The following HTATSF1 variants were observed in gnomAD, a reference collection of about 807,000 sequenced individuals.
HTATSF1 encodes 17S U2 SnRNP complex component HTATSF1.
HTATSF1 carries 6 observed loss-of-function variants against 46.1 expected under a neutral mutation model. The observed-to-expected ratio is 0.13, with a 90% CI of 0.07 to 0.26. HTATSF1 has a LOEUF of 0.26. HTATSF1 is among the 10% of genes least tolerant of loss of function. The pLI is 1.00. For synonymous variants in HTATSF1, 226 were observed against 211.5 expected, an observed-to-expected ratio of 1.07 and a Z score of -0.60; for missense variants, 452 against 559.9, an observed-to-expected ratio of 0.81 and a Z score of 1.94.
rs1332811674 is a variant in HTATSF1 at position 136,503,985 on chromosome X, C to T, written c.735-379C>T. On this transcript the variant is annotated intron_variant, in intron 5 of 8. Transcript: ENST00000218364. ...TCCGGGGTTCAAGCTATACTCATGC[C>T]TCAGCCTCCCCAGTAGCTGGGATTA... is the stretch of plus-strand genomic sequence containing the variant. Among the ~76,000 whole-genome samples, 3 of 111,270 alleles carry T rather than the reference C, an allele frequency of 2.7e-5. No individual in the cohort carries two copies. The East Asian group carries it at 8.4e-4, about 31-fold the overall frequency.
chrX:136,501,458 G>A (rs941895012), intron 4 of HTATSF1, among the ~76,000 whole-genome samples: 3 of 112,298 alleles, frequency 2.7e-5, no homozygotes, highest in Non-Finnish European at 3.8e-5. Flanking sequence ...AGAGAGAGTG[G>A]TATTAAGAGA....
chrX:136,510,875 A>T lies in HTATSF1; in HGVS notation c.1130A>T (p.Glu377Val), dbSNP rs1288902005. The T allele has an allele frequency of 4.1e-6, 5 of 1,208,400 alleles. No homozygotes were observed. In the African/African-American group the frequency reaches 8.8e-5, roughly 21 times the overall value. ...TGGGAGGCTTTCCTCAATGCTCCTG[A>T]GGCCAACAGAGGCCTTAGGCGTTCA... is the stretch of plus-strand genomic sequence containing the variant. Reference protein sequence around the residue: ...RGWEAFLNAPEANRGLRRSDS... With the variant: ...RGWEAFLNAPVANRGLRRSDS... The change falls in exon 9 of 9, where the codon GAG becomes GTG. Residue 377 changes from glutamate (E) to valine (V), a missense_variant. This residue lies in a region of HTATSF1 where 117 missense variants were observed against 222.2 expected (regional missense o/e 0.53). Transcript: ENST00000218364.
intron 1 of HTATSF1, among the ~76,000 whole-genome samples, chrX:136,498,954 T>C (rs1284495599): frequency 8.8e-6 from 1 of 113,136 alleles, no homozygotes; most frequent in African/African-American, 3.2e-5. Context: ...ATAACGCTTT[T>C]CCCCCAAAGG....
chrX:136,504,813 G>A (rs1002115914), intron 6 of HTATSF1, among the ~76,000 whole-genome samples: 1 of 112,115 alleles, frequency 8.9e-6, no homozygotes, highest in Non-Finnish European at 1.9e-5. Context: ...GCCTGATTTT[G>A]GTGGGGAGTA....
intron 6 of HTATSF1, among the ~76,000 whole-genome samples, chrX:136,507,815 G>T (rs1300313456): frequency 9.0e-6 from 1 of 110,999 alleles, no homozygotes; most frequent in Admixed American, 9.6e-5. Context: ...TTTCTGTGAG[G>T]TATCTGAAAC....
chrX:136,497,409 G>A (rs2075695868), upstream of HTATSF1: 1 of 114,261 alleles, frequency 8.8e-6, no homozygotes, highest in Non-Finnish European at 1.8e-5. Context: ...TGGACCTAGC[G>A]GCGGTGCCGA....
chrX:136,508,353 GGA>G (rs1290855033), intron 6 of HTATSF1, among the ~76,000 whole-genome samples: 2 of 112,079 alleles, frequency 1.8e-5, no homozygotes, highest in Admixed American at 1.9e-4. Context: ...ATTGGTACTT[GGA>G]GAGAGATTTG....
At chrX:136,503,883 T>G (rs2075730010) in intron 5 of HTATSF1, among the ~76,000 whole-genome samples, 1 of 111,227 alleles carries the variant, frequency 9.0e-6, no homozygotes, top group South Asian at 3.8e-4. Context: ...TTATTTTATT[T>G]ATTTGAGGCA....
chrX:136,505,238 C>G (rs1426243610), intron 6 of HTATSF1, among the ~76,000 whole-genome samples: 2 of 111,998 alleles, frequency 1.8e-5, no homozygotes, highest in Non-Finnish European at 3.8e-5. Context: ...ACGTAAAATT[C>G]CGTTTTTACC....
chrX:136,505,005 A>G (rs1288778934), intron 6 of HTATSF1, among the ~76,000 whole-genome samples: 1 of 112,366 alleles, frequency 8.9e-6, no homozygotes, highest in Admixed American at 9.4e-5. Context: ...AAAAAAGTGA[A>G]TAAAGGAGAA....
intron 6 of HTATSF1, 26 bp from the exon 7 acceptor site, chrX:136,509,063 ACC>A: frequency 9.5e-7 from 1 of 1,056,355 alleles, no homozygotes; most frequent in Non-Finnish European, 1.3e-6. Context: ...AAGGGAGCAA[ACC>A]CATTTTAATC....
Position 136,502,949 on chromosome X carries a change from A to G in HTATSF1, c.734+8A>G. On this transcript the variant is annotated splice_region_variant and intron_variant, in intron 5 of 8. Transcript: ENST00000218364. The stretch of plus-strand genomic sequence containing the variant: ...GCTGTCTATGCAACAAAAGTTTGTA[A>G]TTTTTTTCCCTTTTGAAAGGTTCCA... 9.2e-7 allele frequency: 1 copy of G among 1,090,765 alleles called. No individual in the cohort carries two copies. The highest frequency in any genetic ancestry group is 1.2e-6 in the Non-Finnish European group (1 of 829,624). The allele number at this position is 1,090,765 out of a possible 1,213,427, so 89.9% of individuals were successfully genotyped here.
At chrX:136,497,502 G>T (rs1311235480), upstream of HTATSF1, 4 of 268,477 alleles carry the variant, frequency 1.5e-5, no homozygotes, top group Non-Finnish European at 2.6e-5. Context: ...GGGCAGAGAG[G>T]GGGGCGGTGC....
At chrX:136,499,514 T>C in intron 1 of HTATSF1, 84 bp from the exon 2 acceptor site, 2 of 719,227 alleles carry the variant, frequency 2.8e-6, no homozygotes, top group Non-Finnish European at 4.0e-6. Flanking sequence ...TGTATAACTA[T>C]GCTGTAAAAA....
intron 3 of HTATSF1, 56 bp from the exon 4 acceptor site, chrX:136,500,608 A>G (rs1427310572): frequency 2.0e-5 from 16 of 786,692 alleles, no homozygotes; most frequent in Non-Finnish European, 2.4e-5. Flanking sequence ...TAGAATGCTA[A>G]GTAATTCACC....
intron 8 of HTATSF1, among the ~76,000 whole-genome samples, chrX:136,510,493 A>G (rs2148523510): frequency 8.9e-6 from 1 of 112,712 alleles, no homozygotes; most frequent in African/African-American, 3.2e-5. Context: ...TAGTGATAAG[A>G]AAAGAACACA....
At chrX:136,500,317 T>C (rs1024674954) in intron 3 of HTATSF1, 112 bp downstream of exon 3, 19 of 553,855 alleles carry the variant, frequency 3.4e-5, no homozygotes, top group Admixed American at 6.6e-5. Context: ...TATCATTGTG[T>C]CATTTTTTGT....
At chrX:136,503,389 A>G (rs1399739543) in intron 5 of HTATSF1, among the ~76,000 whole-genome samples, 3 of 112,212 alleles carry the variant, frequency 2.7e-5, no homozygotes, top group Non-Finnish European at 3.8e-5. Context: ...TCAAGTTTCT[A>G]TTATTATTCT....
In HTATSF1 at chrX:136,511,583, A is replaced by C; in HGVS notation, c.1838A>C (p.Glu613Ala). The change falls in exon 9 of 9, where the codon GAG becomes GCG. Residue 613 changes from glutamate to alanine, a missense_variant. By Grantham distance (107) the Glu-to-Ala change is moderately radical. Transcript: ENST00000218364. The part of the protein sequence containing the change: ...EDDGSEKVLD[E>A]EGSEREFDED... ...GACGGCTCTGAAAAAGTGTTAGATGAGGAAGGCTCTGAGAGAGAGTTTGAC... is the reference window on the plus strand; with the variant it reads ...GACGGCTCTGAAAAAGTGTTAGATGCGGAAGGCTCTGAGAGAGAGTTTGAC... The C allele has an allele frequency of 8.3e-7, 1 of 1,211,264 alleles. No homozygotes were observed. Among genetic ancestry groups the C allele is most frequent in the Non-Finnish European group, 1.1e-6 (1 of 895,045 alleles).
Sources: allele counts gnomAD v4.1 joint callset (sites outside exome capture counted in the v4.1 genomes callset), GRCh38; gene constraint gnomAD v4.1.1; regional missense constraint gnomAD v4.1.1; transcripts MANE v1.5; gene names NCBI Gene and HGNC (gene_info 2026-07-23, HGNC 2026-07-21).